USH2A: variants seen among roughly 807,000 people sequenced by gnomAD.
USH2A encodes Usher syndrome 2A (autosomal recessive, mild).
USH2A carries 443 observed loss-of-function variants against 538.9 expected under a neutral mutation model. That is an observed-to-expected ratio of 0.82 (90% CI 0.76 to 0.89). The LOEUF is 0.89. Among genes scored for constraint, USH2A ranks in the 40% least tolerant of loss-of-function variants. USH2A has a pLI of 0.00. For missense variants in USH2A, 6,633 were observed against 6,324.8 expected (o/e 1.05, Z -1.65); for synonymous variants, 2,413 against 2,273.5 (o/e 1.06, Z -1.75).
intron 62 of USH2A, among the ~76,000 whole-genome samples, chr1:215,676,481 C>T (rs1658032159): frequency 1.3e-5 from 2 of 152,150 alleles, no homozygotes; most frequent in Non-Finnish European, 2.9e-5. Flanking sequence ...GACTCCCTAT[C>T]ATGGTGACTC....
rs545247593 is a variant in USH2A at position 216,295,792 on chromosome 1, C to T, written c.1645-3422G>A. ...TTATCCAAGATAATGGTCCTTTGCT[C>T]TTTGTTTTATATTAACATTGTTAAA... On this transcript the variant is annotated intron_variant, in intron 9 of 71. Coordinates refer to ENST00000307340, the MANE Select transcript of USH2A (RefSeq NM_206933.4). Among the ~76,000 whole-genome samples, 281 of 152,090 alleles carry T rather than the reference C, an allele frequency of 1.8e-3. 3 individuals carry two copies. The highest frequency in any genetic ancestry group is 6.6e-3 in the African/African-American group (274 of 41,558).
intron 32 of USH2A, among the ~76,000 whole-genome samples, chr1:216,013,901 T>A (rs993835525): frequency 6.6e-6 from 1 of 152,200 alleles, no homozygotes; most frequent in Admixed American, 6.5e-5. Context: ...GGTATTTTCT[T>A]TTGGTTTTAA....
At chr1:216,109,614 G>A (rs1389275520) in intron 21 of USH2A, among the ~76,000 whole-genome samples, 1 of 152,082 alleles carries the variant, frequency 6.6e-6, no homozygotes, top group African/African-American at 2.4e-5. Flanking sequence ...TATTTTATGA[G>A]TAATTTTGTG....
chr1:216,103,627 T>C (rs2032646192), intron 21 of USH2A, among the ~76,000 whole-genome samples: 1 of 152,218 alleles, frequency 6.6e-6, no homozygotes, highest in African/African-American at 2.4e-5. Flanking sequence ...AAAGTTACTA[T>C]AGATTTTTTT....
intron 27 of USH2A, among the ~76,000 whole-genome samples, chr1:216,077,371 C>G (rs1376573975): frequency 1.3e-5 from 2 of 151,676 alleles, no homozygotes; most frequent in South Asian, 2.1e-4. Context: ...CCACATACAC[C>G]CCACATTTTT....
At chr1:215,768,203 C>G (rs985028599) in intron 55 of USH2A, among the ~76,000 whole-genome samples, 1 of 152,142 alleles carries the variant, frequency 6.6e-6, no homozygotes, top group Non-Finnish European at 1.5e-5. Context: ...TATTTCAGAG[C>G]CTTCAACCGT....
chr1:216,196,820 C>A lies in USH2A; in HGVS notation c.4082-98G>T, dbSNP rs1455296852. ...CACATTCATTTAGTTTCTGAAATACCTTTACCTTTTAAAATATTCTGCTTT... is the reference window on the plus strand; with the variant it reads ...CACATTCATTTAGTTTCTGAAATACATTTACCTTTTAAAATATTCTGCTTT... On this transcript the variant is annotated intron_variant, in intron 18 of 71. Transcript: ENST00000307340. The A allele has an allele frequency of 4.4e-6, 6 of 1,370,810 alleles. No homozygotes were observed. In the East Asian group the frequency reaches 1.3e-4, roughly 29 times the overall value. The allele number at this position is 1,370,810 out of a possible 1,614,324, so 84.9% of individuals were successfully genotyped here.
At chr1:216,032,597 G>A (rs1669153370) in intron 32 of USH2A, among the ~76,000 whole-genome samples, 1 of 152,120 alleles carries the variant, frequency 6.6e-6, no homozygotes, top group Non-Finnish European at 1.5e-5. Context: ...ACCTTATATG[G>A]AGAAAAGGAA....
chr1:215,649,672 T>G (rs1034004693), intron 65 of USH2A, among the ~76,000 whole-genome samples: 1 of 152,208 alleles, frequency 6.6e-6, no homozygotes, highest in African/African-American at 2.4e-5. Context: ...TGAAATTGTG[T>G]TTCAATACCT....
intron 31 of USH2A, 43 bp downstream of exon 31, chr1:216,048,491 C>G: frequency 6.4e-7 from 1 of 1,571,282 alleles, no homozygotes; most frequent in Non-Finnish European, 8.8e-7. Context: ...TTTTATTATT[C>G]ATGACTGAAA....
intron 61 of USH2A, among the ~76,000 whole-genome samples, chr1:215,720,536 T>G (rs981297209): frequency 2.0e-5 from 3 of 152,180 alleles, no homozygotes; most frequent in Admixed American, 2.0e-4. Context: ...ACTGGCTAGG[T>G]TTCATCCAGC....
At chr1:215,832,744 C>T (rs1445351597) in intron 47 of USH2A, among the ~76,000 whole-genome samples, 2 of 151,370 alleles carry the variant, frequency 1.3e-5, no homozygotes, top group Non-Finnish European at 3.0e-5. Context: ...TGCAATAAGG[C>T]AGGAAAAAGA....
chr1:215,624,794 A>G lies in USH2A; in HGVS notation c.*987T>C, dbSNP rs1451329532. On this transcript the variant is annotated 3_prime_UTR_variant, in exon 72 of 72. Coordinates refer to ENST00000307340, the MANE Select transcript of USH2A (RefSeq NM_206933.4). ...ATACATGATATACATATATATACAC[A>G]TAGGTATAGTCTTGTCTCTACATGT... The G allele has an allele frequency of 6.6e-6, 1 of 152,182 alleles. No homozygotes were observed. The highest frequency in any genetic ancestry group is 1.9e-4 in the East Asian group (1 of 5,194). The allele number at this position is 152,182 out of a possible 1,614,324, so 9.4% of individuals were successfully genotyped here.
intron 21 of USH2A, among the ~76,000 whole-genome samples, chr1:216,173,062 T>C (rs925473354): frequency 2.6e-5 from 4 of 152,156 alleles, no homozygotes; most frequent in Non-Finnish European, 5.9e-5. Flanking sequence ...AGCTACTTTA[T>C]AGGGTTGCAG....
chr1:215,634,579 C>G lies in USH2A; in HGVS notation c.15177G>C (p.Leu5059=). The G allele has an allele frequency of 6.2e-7, 1 of 1,614,092 alleles. No homozygotes were observed. The highest frequency in any genetic ancestry group is 8.5e-7 in the Non-Finnish European group (1 of 1,180,026). ...GGATTTTTCTTTGTAGTATCAGGGACAGAAAAATGGCCAACAAGATCAAGC... is the reference window on the plus strand; with the variant it reads ...GGATTTTTCTTTGTAGTATCAGGGAGAGAAAAATGGCCAACAAGATCAAGC... ...MLGLILLAIF[L]SLILQRKIHK... The change falls in exon 70 of 72, where the codon CTG becomes CTC. Residue 5059 remains leucine (L), a synonymous_variant. Coordinates refer to ENST00000307340, the MANE Select transcript of USH2A (RefSeq NM_206933.4).
intron 61 of USH2A, among the ~76,000 whole-genome samples, chr1:215,715,888 T>C (rs755891330): frequency 2.0e-5 from 3 of 152,256 alleles, no homozygotes; most frequent in Non-Finnish European, 4.4e-5. Context: ...GGCAATTTTC[T>C]TGCTGAAATA....
At chr1:216,180,268 G>A (rs953278401) in intron 20 of USH2A, among the ~76,000 whole-genome samples, 1 of 151,926 alleles carries the variant, frequency 6.6e-6, no homozygotes, top group Admixed American at 6.6e-5. Flanking sequence ...AATATACAAA[G>A]TTTAAAATGA....
intron 61 of USH2A, among the ~76,000 whole-genome samples, chr1:215,690,860 C>T (rs545822219): frequency 6.6e-6 from 1 of 152,110 alleles, no homozygotes; most frequent in African/African-American, 2.4e-5. Context: ...CATACTTTCC[C>T]ACTCTCAGCA....
intron 61 of USH2A, among the ~76,000 whole-genome samples, chr1:215,727,381 C>A (rs976350906): frequency 2.0e-5 from 3 of 152,008 alleles, no homozygotes; most frequent in Non-Finnish European, 4.4e-5. Flanking sequence ...TGGAGGAAAG[C>A]ATTACATTAT....
Sources: gnomAD v4.1 joint callset for allele counts (sites outside exome capture counted in the v4.1 genomes callset) on GRCh38, gnomAD v4.1.1 for gene constraint, MANE v1.5 for transcripts, NCBI Gene and HGNC (gene_info 2026-07-23, HGNC 2026-07-21) for gene names.